VPS54: variants seen among roughly 807,000 people sequenced by gnomAD.
VPS54 encodes the protein VPS54 subunit of GARP complex.
A neutral mutation model predicts 121.5 loss-of-function variants in VPS54; 45 were observed. That is an observed-to-expected ratio of 0.37 (90% CI 0.29 to 0.47). The LOEUF (loss-of-function observed/expected upper bound fraction) is 0.47, where lower values mean the gene tolerates loss of function less well. VPS54 is among the 20% of genes least tolerant of loss of function. VPS54 has a pLI of 0.99. For missense variants in VPS54, 1,090 were observed against 1,131.4 expected, an observed-to-expected ratio of 0.96 and a Z score of 0.52; for synonymous variants, 371 against 385.8, an observed-to-expected ratio of 0.96 and a Z score of 0.45.
chr2:64,008,139 G>A (rs577514515), intron 1 of VPS54, among the ~76,000 whole-genome samples: 15 of 152,176 alleles, frequency 9.9e-5, no homozygotes, highest in Middle Eastern at 6.8e-3. Context: ...GAGGCCGGGC[G>A]CAGTGGCTCA....
In VPS54 at chr2:63,962,039, G is replaced by C; in HGVS notation, c.1010+19C>G. ...AAAATTTCTAACATTATTTCTAGTG[G>C]CTTACTTAATGAACATACCGGAAAC... On this transcript the variant is annotated intron_variant, in intron 7 of 22. Coordinates refer to ENST00000272322, the MANE Select transcript of VPS54 (RefSeq NM_016516.3). 6.7e-7 allele frequency: 1 copy of C among 1,500,228 alleles called. No individual in the cohort carries two copies. The highest frequency in any genetic ancestry group is 8.9e-7 in the Non-Finnish European group (1 of 1,120,338). 92.9% of individuals were successfully genotyped at this position (1,500,228 alleles called of 1,614,324 possible).
chr2:63,934,151 C>A, intron 11 of VPS54, 138 bp from the exon 12 acceptor site: 1 of 724,192 alleles, frequency 1.4e-6, no homozygotes, highest in Non-Finnish European at 2.2e-6. Context: ...GAATTTCTAC[C>A]GATCTTTTAT....
intron 20 of VPS54, among the ~76,000 whole-genome samples, chr2:63,899,894 TATTTA>T (rs762441861): frequency 2.3e-4 from 35 of 152,154 alleles, no homozygotes; most frequent in Non-Finnish European, 4.1e-4. Context: ...TTGGGCAAGT[TATTTA>T]ATTTATCTAT....
intron 2 of VPS54, among the ~76,000 whole-genome samples, chr2:63,983,357 T>TC (rs1002549941): frequency 1.2e-4 from 18 of 151,530 alleles, no homozygotes; most frequent in African/African-American, 4.1e-4. Flanking sequence ...GATGTTGAAC[T>TC]CCCTCCTGAC....
chr2:63,983,477 C>CTG (rs1266498436), intron 2 of VPS54, among the ~76,000 whole-genome samples: 1 of 129,796 alleles, frequency 7.7e-6, no homozygotes, highest in Non-Finnish European at 1.6e-5. Context: ...TGGAGTCTGT[C>CTG]TGTCACCCAG....
chr2:63,947,636 C>A, intron 8 of VPS54, 146 bp from the exon 9 acceptor site: 1 of 672,776 alleles, frequency 1.5e-6, no homozygotes, highest in Non-Finnish European at 2.2e-6. Flanking sequence ...AAACCCCTCC[C>A]ACAGCAATCT....
chr2:63,969,194 A>T (rs1305210374), intron 4 of VPS54, among the ~76,000 whole-genome samples: 1 of 152,206 alleles, frequency 6.6e-6, no homozygotes, highest in Non-Finnish European at 1.5e-5. Flanking sequence ...AGGTAATTGT[A>T]ATCAATTATA....
intron 3 of VPS54, among the ~76,000 whole-genome samples, chr2:63,975,977 C>A (rs1676508230): frequency 6.6e-6 from 1 of 152,208 alleles, no homozygotes; most frequent in Non-Finnish European, 1.5e-5. Flanking sequence ...GTCCTGGCCT[C>A]AAGCATCCTG....
At position 63,961,964 on chromosome 2, in the gene VPS54, C is replaced by G. The variant is rs552271374; in HGVS notation, c.1010+94G>C. ...TCTGGAAGAAAAAATATCCATTTAA[C>G]TTTGAATATATTCACACTTTTAACA... On this transcript the variant is annotated intron_variant, in intron 7 of 22. Coordinates refer to ENST00000272322, the MANE Select transcript of VPS54 (RefSeq NM_016516.3). 4.8e-4 allele frequency: 616 copies of G among 1,287,870 alleles called. 2 individuals carry two copies. In the African/African-American group the frequency reaches 7.6e-3, roughly 16 times the overall value. The allele number at this position is 1,287,870 out of a possible 1,614,324, so 79.8% of individuals were successfully genotyped here.
intron 15 of VPS54, among the ~76,000 whole-genome samples, chr2:63,919,075 AG>A (rs1350085297): frequency 6.6e-6 from 1 of 152,104 alleles, no homozygotes; most frequent in African/African-American, 2.4e-5. Flanking sequence ...CTTCTCTATT[AG>A]AAATACTCAA....
At chr2:63,907,836 T>C (rs1672970833) in intron 20 of VPS54, among the ~76,000 whole-genome samples, 1 of 152,190 alleles carries the variant, frequency 6.6e-6, no homozygotes, top group Admixed American at 6.5e-5. Context: ...TTAACATATC[T>C]GTAATTATGT....
In VPS54 at chr2:63,947,809, C is replaced by T. The variant is rs1040813882; in HGVS notation, c.1138-319G>A. On this transcript the variant is annotated intron_variant, in intron 8 of 22. Coordinates refer to ENST00000272322, the MANE Select transcript of VPS54 (RefSeq NM_016516.3). ...CTCACACCCTGATGACCAATAAATA[C>T]TCCATGGGCCCTGTGGGTTTTTTTT... Among the ~76,000 whole-genome samples, 42 of 152,080 alleles carry T rather than the reference C, an allele frequency of 2.8e-4. 1 individual carries two copies. The highest frequency in any genetic ancestry group is 2.4e-3 in the Admixed American group (37 of 15,266).
chr2:64,003,401 C>A (rs1423579056), intron 1 of VPS54, among the ~76,000 whole-genome samples: 1 of 152,110 alleles, frequency 6.6e-6, no homozygotes, highest in Non-Finnish European at 1.5e-5. Context: ...TCTCTTGAAG[C>A]TTTCTTTGGT....
chr2:63,995,069 C>G (rs1372174095), intron 1 of VPS54, among the ~76,000 whole-genome samples: 1 of 152,222 alleles, frequency 6.6e-6, no homozygotes, highest in Non-Finnish European at 1.5e-5. Flanking sequence ...GAGTCCAGAA[C>G]ACCCACAACT....
chr2:63,988,280 T>C (rs1677148461), intron 1 of VPS54, among the ~76,000 whole-genome samples: 1 of 152,214 alleles, frequency 6.6e-6, no homozygotes, highest in Non-Finnish European at 1.5e-5. Context: ...ATGTTTTTTC[T>C]CCTTCATTCT....
intron 18 of VPS54, among the ~76,000 whole-genome samples, 165 bp downstream of exon 18, chr2:63,913,058 G>GT (rs985736706): frequency 1.3e-5 from 2 of 152,062 alleles, no homozygotes; most frequent in African/African-American, 4.8e-5. Flanking sequence ...CCCATGGTTA[G>GT]TTTTTTTCAG....
At position 63,907,101 on chromosome 2, in the gene VPS54, C is replaced by T. The variant is rs374058416; in HGVS notation, c.2625+5244G>A. On this transcript the variant is annotated intron_variant, in intron 20 of 22. Coordinates refer to ENST00000272322, the MANE Select transcript of VPS54 (RefSeq NM_016516.3). ...GTGCTGGAACTATGAAAAATGAACA[C>T]TGACTTATACTTTGCATTATATATA... Among the ~76,000 whole-genome samples the T allele has an allele frequency of 1.4e-4, 22 of 152,200 alleles. No homozygotes were observed. In the East Asian group the frequency reaches 2.5e-3, roughly 17 times the overall value.
Position 63,972,151 on chromosome 2 carries a change from A to G in VPS54, c.457+15T>C, listed in dbSNP as rs1183972387. ...ATGCTATGCTTTATTATCTATAAAT[A>G]ACACATATTCATACCATGAGTATGT... On this transcript the variant is annotated intron_variant, in intron 4 of 22. Transcript: ENST00000272322. 4 of 1,485,348 alleles carry G rather than the reference A, an allele frequency of 2.7e-6. No homozygotes were observed. In the African/African-American group the frequency reaches 5.5e-5, roughly 20 times the overall value. The allele number at this position is 1,485,348 out of a possible 1,614,324, so 92.0% of individuals were successfully genotyped here.
chr2:64,010,859 A>G (rs1475903896), intron 1 of VPS54, among the ~76,000 whole-genome samples: 4 of 152,236 alleles, frequency 2.6e-5, no homozygotes, highest in African/African-American at 9.6e-5. Flanking sequence ...CTTGAGCATT[A>G]AAGAAGTATG....
Sources: allele counts gnomAD v4.1 joint callset (sites outside exome capture counted in the v4.1 genomes callset), GRCh38; gene constraint gnomAD v4.1.1; transcripts MANE v1.5; gene names NCBI Gene and HGNC (gene_info 2026-07-23, HGNC 2026-07-21).